Variants in PLD5 observed in about 807,000 individuals in gnomAD.
PLD5 encodes inactive phospholipase D5.
PLD5 carries 36 observed loss-of-function variants against 61.1 expected under a neutral mutation model. The ratio of observed to expected loss-of-function variants is 0.59; its 90% CI spans 0.45 to 0.78. The LOEUF (loss-of-function observed/expected upper bound fraction) is 0.78. Among genes scored for constraint, PLD5 ranks in the 30% least tolerant of loss-of-function variants. PLD5 has a pLI of 0.00. For missense variants in PLD5, 515 were observed against 644.4 expected (o/e 0.80, Z 2.17); for synonymous variants, 243 against 242.8 (o/e 1.00, Z -0.01).
chr1:242,498,320 T>C (rs1379865705), intron 1 of PLD5, among the ~76,000 whole-genome samples: 1 of 152,204 alleles, frequency 6.6e-6, no homozygotes. Flanking sequence ...TTAGAAAATA[T>C]AGATAAGCAA....
intron 1 of PLD5, among the ~76,000 whole-genome samples, chr1:242,447,131 T>C (rs1242273288): frequency 1.3e-5 from 2 of 152,248 alleles, no homozygotes; most frequent in African/African-American, 4.8e-5. Flanking sequence ...TTCTACACAT[T>C]TTCCTCACTT....
chr1:242,191,478 C>T (rs901822357), intron 5 of PLD5, among the ~76,000 whole-genome samples: 1 of 151,886 alleles, frequency 6.6e-6, no homozygotes, highest in East Asian at 1.9e-4. Flanking sequence ...CCCAGCTACT[C>T]GGGAGGCTGA....
At chr1:242,348,828 G>C (rs1331732268) in intron 1 of PLD5, among the ~76,000 whole-genome samples, 1 of 152,266 alleles carries the variant, frequency 6.6e-6, no homozygotes, top group East Asian at 1.9e-4. Context: ...GCCAAGGCGG[G>C]CAGATCATGA....
At chr1:242,338,780 C>CTGGA (rs1241741825) in intron 2 of PLD5, among the ~76,000 whole-genome samples, 1 of 152,124 alleles carries the variant, frequency 6.6e-6, no homozygotes, top group Admixed American at 6.5e-5. Context: ...CTGAATCTTA[C>CTGGA]TGGATTCAAT....
intron 2 of PLD5, among the ~76,000 whole-genome samples, chr1:242,296,625 C>T (rs1675674303): frequency 6.6e-6 from 1 of 152,074 alleles, no homozygotes; most frequent in Non-Finnish European, 1.5e-5. Flanking sequence ...TCACTTTTTC[C>T]CCAAGACTTT....
At chr1:242,404,847 A>T (rs1664137009) in intron 1 of PLD5, among the ~76,000 whole-genome samples, 1 of 135,156 alleles carries the variant, frequency 7.4e-6, no homozygotes, top group South Asian at 2.4e-4. Flanking sequence ...CTCTATGTGG[A>T]TCCATGCCTC....
intron 1 of PLD5, among the ~76,000 whole-genome samples, chr1:242,400,167 ACT>A (rs1240895436): frequency 2.0e-5 from 3 of 147,612 alleles, no homozygotes; most frequent in Non-Finnish European, 4.5e-5. Flanking sequence ...CAAGAGTGAA[ACT>A]CTCTCTCTCA....
At chr1:242,310,960 G>A (rs1043937341) in intron 2 of PLD5, among the ~76,000 whole-genome samples, 6 of 152,014 alleles carry the variant, frequency 3.9e-5, no homozygotes, top group Admixed American at 1.3e-4. Context: ...AACTCATAGG[G>A]CCACGTGTGT....
In PLD5 at chr1:242,524,214, C is replaced by T. The variant is rs1369513088; in HGVS notation, c.63G>A (p.Arg21=). Residue 21 remains arginine (R), a synonymous_variant, in exon 1 of 10, where the codon AGG becomes AGA. Coordinates refer to ENST00000536534, the MANE Select transcript of PLD5 (RefSeq NM_001372062.1). The part of the protein sequence containing the change: ...ASPHEGFEQM[R]LKSRPKEPSP... ...AGGGCTCCTTGGGGCGGCTTTTGAG[C>T]CTCATCTGCTCGAAGCCCTCATGGG... 1 of 1,532,812 alleles carries T rather than the reference C, an allele frequency of 6.5e-7. No homozygotes were observed. 95.0% of individuals were successfully genotyped at this position (1,532,812 alleles called of 1,614,324 possible).
chr1:242,349,019 A>G (rs1164806357), intron 1 of PLD5, among the ~76,000 whole-genome samples: 5 of 152,180 alleles, frequency 3.3e-5, no homozygotes, highest in Non-Finnish European at 7.3e-5. Context: ...GCACCACTGC[A>G]CTCCAGCCTG....
rs575140875 is a variant in PLD5 at position 242,191,143 on chromosome 1, T to G, written c.735+28845A>C. On this transcript the variant is annotated intron_variant, in intron 5 of 9. Coordinates refer to ENST00000536534, the MANE Select transcript of PLD5 (RefSeq NM_001372062.1). ...ACTATGGAGTTTTTTTTTTTTTTTT[T>G]CCTTTGAGGATCTGTAAACATTCCA... 1.3e-3 allele frequency among the ~76,000 whole-genome samples: 193 copies of G among 150,616 alleles called. 1 individual carries two copies. Among genetic ancestry groups the G allele is most frequent in the African/African-American group, 4.6e-3 (185 of 40,322 alleles).
intron 1 of PLD5, among the ~76,000 whole-genome samples, chr1:242,390,845 T>G (rs1387306375): frequency 6.6e-6 from 1 of 151,776 alleles, no homozygotes; most frequent in African/African-American, 2.4e-5. Flanking sequence ...GGAACATGAT[T>G]AAGACCTAAA....
chr1:242,429,792 G>A (rs12133424), intron 1 of PLD5, among the ~76,000 whole-genome samples: 11,140 of 152,236 alleles, frequency 0.073, 465 homozygotes, highest in Middle Eastern at 0.18. Flanking sequence ...TGAATTTATG[G>A]ATTATAACGT....
At chr1:242,236,983 T>A (rs1671676598) in intron 4 of PLD5, among the ~76,000 whole-genome samples, 1 of 152,206 alleles carries the variant, frequency 6.6e-6, no homozygotes, top group South Asian at 2.1e-4. Context: ...TAAAAAAGAA[T>A]CCAGGATACT....
chr1:242,285,953 T>C (rs1432076921), intron 3 of PLD5, among the ~76,000 whole-genome samples: 2 of 151,638 alleles, frequency 1.3e-5, no homozygotes. Context: ...ACTAAAAATA[T>C]GAAAACTTAG....
chr1:242,508,361 G>A (rs1668797222), intron 1 of PLD5, among the ~76,000 whole-genome samples: 1 of 151,040 alleles, frequency 6.6e-6, no homozygotes, highest in Non-Finnish European at 1.5e-5. Flanking sequence ...CAACAGGGGT[G>A]AAACTCCGTC....
intron 1 of PLD5, among the ~76,000 whole-genome samples, chr1:242,359,425 T>A (rs150186380): frequency 0.013 from 2,043 of 152,238 alleles, 48 homozygotes; most frequent in African/African-American, 0.047. Flanking sequence ...GGAATTTTAT[T>A]TAGTTCCATG....
chr1:242,169,291 G>A (rs316892), intron 5 of PLD5, among the ~76,000 whole-genome samples: 76,806 of 151,792 alleles, frequency 0.51, 20,094 homozygotes, highest in East Asian at 0.73. Flanking sequence ...CATGGAGGGT[G>A]AGCCAAAGTA....
chr1:242,431,001 C>T (rs1191529003), intron 1 of PLD5, among the ~76,000 whole-genome samples: 1 of 152,204 alleles, frequency 6.6e-6, no homozygotes. Flanking sequence ...AGCATCTCCT[C>T]TGGCCTTGTC....
Sources: gnomAD v4.1 joint callset for allele counts (sites outside exome capture counted in the v4.1 genomes callset) on GRCh38, gnomAD v4.1.1 for gene constraint, MANE v1.5 for transcripts, NCBI Gene and HGNC (gene_info 2026-07-23, HGNC 2026-07-21) for gene names.